Variants in HSPA9 observed in about 807,000 individuals in gnomAD.
HSPA9 encodes the protein heat shock protein family A (Hsp70) member 9.
A neutral mutation model predicts 81.5 loss-of-function variants in HSPA9; 28 were observed. The observed-to-expected ratio is 0.34, with a 90% CI of 0.25 to 0.47. The LOEUF (loss-of-function observed/expected upper bound fraction) is 0.47. HSPA9 is among the 20% of genes least tolerant of loss of function. The probability of loss-of-function intolerance (pLI) is 1.00; values close to 1 mark genes in which losing one functional copy is unlikely to be tolerated. For missense variants in HSPA9, 678 were observed against 838.0 expected (o/e 0.81, Z 2.36); for synonymous variants, 293 against 290.4 (o/e 1.01, Z -0.09).
chr5:138,557,566 TAA>T (rs1227451839), intron 13 of HSPA9, 70 bp from the exon 14 acceptor site: 3 of 922,190 alleles, frequency 3.3e-6, no homozygotes, highest in South Asian at 2.7e-5. Context: ...TCCATTGCAT[TAA>T]GAGTACTCCT....
At chr5:138,561,094 A>C (rs1255957182) in intron 10 of HSPA9, 1 of 493,914 alleles carries the variant, frequency 2.0e-6, no homozygotes, top group Non-Finnish European at 4.1e-6. Flanking sequence ...TGTGTTGAAT[A>C]AAATACATCA....
At chr5:138,574,440 A>T (rs256009) in intron 1 of HSPA9, among the ~76,000 whole-genome samples, 143,848 of 152,266 alleles carry the variant, frequency 0.94, 68,016 homozygotes, top group East Asian at 0.99. Flanking sequence ...CCCAGTAAGT[A>T]AGTGACAACC....
At chr5:138,566,489 T>C (rs1750765038) in intron 9 of HSPA9, 137 bp downstream of exon 9, 2 of 727,666 alleles carry the variant, frequency 2.7e-6, no homozygotes, top group South Asian at 3.0e-5. Flanking sequence ...CAAAGGTCTC[T>C]AGAAACCAGA....
Position 138,556,514 on chromosome 5 carries a change from T to C in HSPA9, c.1900A>G (p.Arg634Gly). Residue 634 changes from arginine to glycine, a missense_variant, in exon 16 of 17, where the codon AGA becomes GGA. Arg to Gly is a moderately radical substitution (Grantham distance 125, BLOSUM62 -2). Around this residue, in one of 4 missense-constraint regions of HSPA9, gnomAD observed 100 missense variants for 99.5 expected, o/e 1.00. Transcript: ENST00000297185. ...RKDSETGENI[R>G]QAASSLQQAS... Reference sequence around the variant, plus strand: ...TGCTGAAGAGAGGATGCTGCCTGTCTAATATTTTCTCCTGTTTCGCTGTCT... The same window carrying C: ...TGCTGAAGAGAGGATGCTGCCTGTCCAATATTTTCTCCTGTTTCGCTGTCT... 6.2e-7 allele frequency: 1 copy of C among 1,614,120 alleles called. No individual in the cohort carries two copies. Among genetic ancestry groups the C allele is most frequent in the Non-Finnish European group, 8.5e-7 (1 of 1,179,964 alleles).
In HSPA9 at chr5:138,567,115, C is replaced by T; in HGVS notation, c.765G>A (p.Leu255=). Residue 255 remains leucine (L), a synonymous_variant, in exon 8 of 17, where the codon CTG becomes CTA. Coordinates refer to ENST00000297185, the MANE Select transcript of HSPA9 (RefSeq NM_004134.7). ...LGGGTFDISI[L]EIQKGVFEVK... ...CCTCAAATACTCCTTTCTGAATTTC[C>T]AGGATAGAAATATCAAAAGTTCCAC... 6.2e-7 allele frequency: 1 copy of T among 1,613,412 alleles called. No individual in the cohort carries two copies. Among genetic ancestry groups the T allele is most frequent in the South Asian group, 1.1e-5 (1 of 91,068 alleles).
chr5:138,563,463 A>G (rs1418725402), intron 9 of HSPA9, among the ~76,000 whole-genome samples: 1 of 151,962 alleles, frequency 6.6e-6, no homozygotes, highest in Non-Finnish European at 1.5e-5. Flanking sequence ...TCCTCTCTCA[A>G]ACCCAATCAC....
At chr5:138,569,237 T>C (rs1580748787) in intron 4 of HSPA9, among the ~76,000 whole-genome samples, 188 bp from the exon 5 acceptor site, 1 of 151,940 alleles carries the variant, frequency 6.6e-6, no homozygotes, top group East Asian at 1.9e-4. Context: ...CAAAATGAAA[T>C]AAATAAATAA....
chr5:138,572,868 T>C (rs1486705507), intron 3 of HSPA9, among the ~76,000 whole-genome samples: 4 of 152,220 alleles, frequency 2.6e-5, no homozygotes, highest in South Asian at 2.1e-4. Flanking sequence ...TGTCCCAACA[T>C]TGGGTATGAA....
Position 138,574,093 on chromosome 5 carries a change from T to G in HSPA9, c.115A>C (p.Arg39=). 1 of 1,613,836 alleles carries G rather than the reference T, an allele frequency of 6.2e-7. No homozygotes were observed. Among genetic ancestry groups the G allele is most frequent in the Non-Finnish European group, 8.5e-7 (1 of 1,179,768 alleles). Reference sequence around the variant, plus strand: ...GCATAATCCCGCCTTGAAACAAGTCTAAAAGCCTCATGACTAAGGCCATTC... The same window carrying G: ...GCATAATCCCGCCTTGAAACAAGTCGAAAAGCCTCATGACTAAGGCCATTC... ...SWNGLSHEAF[R]LVSRRDYASE... Residue 39 remains arginine, a synonymous_variant, in exon 2 of 17, where the codon AGA becomes CGA. Coordinates refer to ENST00000297185, the MANE Select transcript of HSPA9 (RefSeq NM_004134.7).
intron 5 of HSPA9, among the ~76,000 whole-genome samples, chr5:138,568,679 G>A (rs898165337): frequency 3.3e-5 from 5 of 152,086 alleles, no homozygotes; most frequent in Non-Finnish European, 7.4e-5. Flanking sequence ...GTAGTCTTGT[G>A]GCTTTCAATA....
Position 138,566,996 on chromosome 5 carries a change from C to T in HSPA9, c.879+5G>A, listed in dbSNP as rs1750782204. On this transcript the variant is annotated splice_donor_5th_base_variant and intron_variant, in intron 8 of 16. Transcript: ENST00000297185. ...GTCTACATATTAACCACATTGGTAA[C>T]TCACCTCTCTCTTGAACTCCTTCAC... The T allele has an allele frequency of 6.2e-7, 1 of 1,612,312 alleles. No individual in the cohort carries two copies. Among genetic ancestry groups the T allele is most frequent in the Non-Finnish European group, 8.5e-7 (1 of 1,179,696 alleles).
chr5:138,560,051 C>G lies in HSPA9; in HGVS notation c.1223G>C (p.Ser408Thr), dbSNP rs778066436. The G allele has an allele frequency of 1.9e-6, 3 of 1,614,172 alleles. No individual in the cohort carries two copies. The highest frequency in any genetic ancestry group is 2.5e-6 in the Non-Finnish European group (3 of 1,180,036). Reference sequence around the variant, plus strand: ...AGCCTCATCAGGATTGACAGCTTTACTTGGGGCTCTGCCAAAAAGATCCTG... The same window carrying G: ...AGCCTCATCAGGATTGACAGCTTTAGTTGGGGCTCTGCCAAAAAGATCCTG... Reference protein sequence around the residue: ...TVQDLFGRAPSKAVNPDEAVA... With the variant: ...TVQDLFGRAPTKAVNPDEAVA... The change falls in exon 11 of 17, where the codon AGT (serine) becomes ACT (threonine). Residue 408 changes from serine to threonine, a missense_variant. Physicochemically the swap from Ser to Thr is moderately conservative, Grantham distance 58. Around this residue, in one of 4 missense-constraint regions of HSPA9, gnomAD observed 484 missense variants for 647.5 expected, o/e 0.75. Transcript: ENST00000297185.
chr5:138,558,852 T>C (rs1290528193), intron 11 of HSPA9, 195 bp from the exon 12 acceptor site: 3 of 560,516 alleles, frequency 5.4e-6, no homozygotes, highest in African/African-American at 3.8e-5. Context: ...ATAGCAACTG[T>C]TTCAGCTAAG....
chr5:138,570,984 T>G lies in HSPA9; in HGVS notation c.386A>C (p.Asp129Ala), dbSNP rs371580409. Residue 129 changes from aspartate to alanine, a missense_variant, in exon 4 of 17, where the codon GAT becomes GCT. By Grantham distance (126) the Asp-to-Ala change is moderately radical (BLOSUM62 -2). Transcript: ENST00000297185. ...ATKRLIGRRY[D>A]DPEVQKDIKN... ...CATGTCTTTCTGTACTTCAGGATCA[T>G]CATATCGCCGGCCAATGAGACGCTT... is the stretch of plus-strand genomic sequence containing the variant. 7 of 1,614,060 alleles carry G rather than the reference T, an allele frequency of 4.3e-6. No homozygotes were observed. The highest frequency in any genetic ancestry group is 1.7e-5 in the Admixed American group (1 of 60,000).
chr5:138,556,168 T>TA, intron 16 of HSPA9, 54 bp from the exon 17 acceptor site: 1 of 1,396,270 alleles, frequency 7.2e-7, no homozygotes, highest in Non-Finnish European at 1.0e-6. Context: ...GCTAACCATT[T>TA]GCTCTTTGTT....
At chr5:138,574,706 C>T (rs1751045065) in intron 1 of HSPA9, 1 of 165,212 alleles carries the variant, frequency 6.1e-6, no homozygotes, top group Admixed American at 5.9e-5. Context: ...GTAACCACTC[C>T]ATAGCCTTTT....
chr5:138,574,611 A>C (rs1273473867), intron 1 of HSPA9, among the ~76,000 whole-genome samples: 4 of 152,258 alleles, frequency 2.6e-5, no homozygotes. Context: ...ATTACAACTT[A>C]ACCTCAGGCT....
intron 9 of HSPA9, 21 bp from the exon 10 acceptor site, chr5:138,561,810 T>G (rs1459618290): frequency 6.4e-7 from 1 of 1,571,456 alleles, no homozygotes; most frequent in African/African-American, 1.3e-5. Flanking sequence ...AATGTTTAAT[T>G]GCATGTCAGC....
At chr5:138,567,760 G>A in intron 5 of HSPA9, 38 bp from the exon 6 acceptor site, 4 of 1,457,006 alleles carry the variant, frequency 2.7e-6, no homozygotes, top group Non-Finnish European at 3.8e-6. Context: ...AATTCTGTCA[G>A]AACAGAATTA....
Sources: gnomAD v4.1 joint callset for allele counts (sites outside exome capture counted in the v4.1 genomes callset) on GRCh38, gnomAD v4.1.1 for gene constraint, gnomAD v4.1.1 regional missense constraint, MANE v1.5 for transcripts, NCBI Gene and HGNC (gene_info 2026-07-23, HGNC 2026-07-21) for gene names.